Variants in RIT2 observed in about 807,000 individuals in gnomAD.
The protein encoded by RIT2 is Ras like without CAAX 2.
In RIT2, 24 loss-of-function variants were observed where a neutral mutation model predicts 23.7. The ratio of observed to expected loss-of-function variants is 1.01; its 90% CI spans 0.73 to 1.43. The LOEUF is 1.43. Ranked by LOEUF, RIT2 falls within the 40% of genes most tolerant of loss-of-function variation. RIT2 has a pLI of 0.00. For synonymous variants in RIT2, 107 were observed against 91.1 expected, an observed-to-expected ratio of 1.17 and a Z score of -0.99; for missense variants, 236 against 266.9, an observed-to-expected ratio of 0.88 and a Z score of 0.81.
chr18:42,796,765 T>C (rs1215870301), intron 4 of RIT2, among the ~76,000 whole-genome samples: 1 of 152,190 alleles, frequency 6.6e-6, no homozygotes, highest in Non-Finnish European at 1.5e-5. Context: ...CCTGTCCAGC[T>C]CTGGTTTTCC....
chr18:42,953,482 A>C (rs78101484), intron 3 of RIT2, among the ~76,000 whole-genome samples: 1,682 of 152,252 alleles, frequency 0.011, 31 homozygotes, highest in African/African-American at 0.038. Flanking sequence ...GGACATTATA[A>C]AACTATAGGA....
At chr18:43,087,127 G>A (rs1319818062) in intron 1 of RIT2, among the ~76,000 whole-genome samples, 1 of 151,974 alleles carries the variant, frequency 6.6e-6, no homozygotes, top group Non-Finnish European at 1.5e-5. Flanking sequence ...GCAGGCATGA[G>A]TCCCAGCTAC....
intron 1 of RIT2, among the ~76,000 whole-genome samples, chr18:43,106,894 T>C (rs1351405960): frequency 6.6e-6 from 1 of 152,196 alleles, no homozygotes; most frequent in Non-Finnish European, 1.5e-5. Context: ...GTAGCACTGT[T>C]TGGTCAGGGT....
chr18:42,785,888 A>C (rs1468854714), intron 4 of RIT2, among the ~76,000 whole-genome samples: 2 of 152,182 alleles, frequency 1.3e-5, no homozygotes, highest in Non-Finnish European at 2.9e-5. Flanking sequence ...AATGCAGCTA[A>C]CATGAATCTG....
chr18:43,076,930 C>T (rs979699071), intron 1 of RIT2, among the ~76,000 whole-genome samples: 1 of 151,188 alleles, frequency 6.6e-6, no homozygotes, highest in East Asian at 2.0e-4. Flanking sequence ...GGTGAAACCC[C>T]GTCTCTACTA....
intron 2 of RIT2, among the ~76,000 whole-genome samples, chr18:42,998,288 T>C (rs1490197219): frequency 1.3e-5 from 2 of 152,164 alleles, no homozygotes; most frequent in African/African-American, 4.8e-5. Context: ...ATAATTCATA[T>C]GCCTCTTTTT....
intron 4 of RIT2, among the ~76,000 whole-genome samples, chr18:42,872,821 A>T (rs940975254): frequency 7.9e-5 from 12 of 152,172 alleles, no homozygotes; most frequent in Non-Finnish European, 1.3e-4. Flanking sequence ...GTCCCATATT[A>T]ATTTTTTCAT....
At chr18:43,054,285 G>T (rs1211246090) in intron 1 of RIT2, among the ~76,000 whole-genome samples, 3 of 152,064 alleles carry the variant, frequency 2.0e-5, no homozygotes, top group African/African-American at 7.2e-5. Context: ...AGGACAGAAA[G>T]AATTTAAGAT....
At chr18:42,795,437 C>T (rs8098570) in intron 4 of RIT2, among the ~76,000 whole-genome samples, 2,397 of 152,326 alleles carry the variant, frequency 0.016, 65 homozygotes, top group African/African-American at 0.055. Flanking sequence ...GCGCTGCTCT[C>T]GATTTCTCAC....
chr18:42,948,083 C>A (rs912589916), intron 3 of RIT2, among the ~76,000 whole-genome samples: 1 of 152,070 alleles, frequency 6.6e-6, no homozygotes, highest in East Asian at 1.9e-4. Flanking sequence ...CAGTATGATA[C>A]ACCATACCTC....
At chr18:43,093,033 G>T (rs767268973) in intron 1 of RIT2, among the ~76,000 whole-genome samples, 1 of 151,998 alleles carries the variant, frequency 6.6e-6, no homozygotes, top group Admixed American at 6.6e-5. Context: ...TATCGTAATT[G>T]TTTTAAAGAA....
rs149214420 is a variant in RIT2, at chr18:43,041,561, C to T, written c.104-7694G>A. ...GACTTTATAAAATATTCATTAAGTA[C>T]ATATAATAAATAATGGCCAAATGCA... is the stretch of plus-strand genomic sequence containing the variant. On this transcript the variant is annotated intron_variant, in intron 1 of 4. Transcript: ENST00000326695. Among the ~76,000 whole-genome samples the T allele has an allele frequency of 1.2e-3, 176 of 152,154 alleles. 1 individual carries two copies. In the Middle Eastern group the frequency reaches 0.017, roughly 15 times the overall value.
intron 4 of RIT2, among the ~76,000 whole-genome samples, chr18:42,830,468 G>A (rs1906425403): frequency 6.6e-6 from 1 of 152,162 alleles, no homozygotes; most frequent in Non-Finnish European, 1.5e-5. Flanking sequence ...TCACTCAGTT[G>A]CTGAGGAATT....
At chr18:43,057,145 G>A (rs867323837) in intron 1 of RIT2, among the ~76,000 whole-genome samples, 15 of 151,960 alleles carry the variant, frequency 9.9e-5, no homozygotes, top group African/African-American at 2.7e-4. Flanking sequence ...CAGGCAGGAG[G>A]ACTAGCTAAC....
At chr18:42,918,485 C>T (rs1263004497) in intron 4 of RIT2, among the ~76,000 whole-genome samples, 1 of 151,856 alleles carries the variant, frequency 6.6e-6, no homozygotes, top group East Asian at 1.9e-4. Flanking sequence ...ATTACCGAAC[C>T]TTTTTTTCTC....
chr18:43,088,435 A>C (rs1193147098), intron 1 of RIT2, among the ~76,000 whole-genome samples: 1 of 152,186 alleles, frequency 6.6e-6, no homozygotes, highest in African/African-American at 2.4e-5. Flanking sequence ...TATCTTGAGG[A>C]ATATAAGAGG....
At chr18:42,755,086 G>A (rs1913130609) in intron 4 of RIT2, among the ~76,000 whole-genome samples, 1 of 151,964 alleles carries the variant, frequency 6.6e-6, no homozygotes, top group Admixed American at 6.6e-5. Flanking sequence ...CACATGAAAG[G>A]CACTTATAGA....
intron 4 of RIT2, among the ~76,000 whole-genome samples, chr18:42,877,758 T>C (rs1907781645): frequency 6.6e-6 from 1 of 151,540 alleles, no homozygotes; most frequent in South Asian, 2.1e-4. Context: ...ATCTGACGAG[T>C]TGTAGACAAA....
At chr18:42,906,491 C>G (rs1452912206) in intron 4 of RIT2, among the ~76,000 whole-genome samples, 2 of 151,932 alleles carry the variant, frequency 1.3e-5, no homozygotes, top group African/African-American at 4.8e-5. Flanking sequence ...CCTTCTAATT[C>G]AAACACATTT....
Sources: allele counts gnomAD v4.1 joint callset (sites outside exome capture counted in the v4.1 genomes callset), GRCh38; gene constraint gnomAD v4.1.1; transcripts MANE v1.5; gene names NCBI Gene and HGNC (gene_info 2026-07-23, HGNC 2026-07-21).